Variants in ST8SIA1 observed in about 807,000 individuals in gnomAD.
The protein encoded by ST8SIA1 is ST8 alpha-N-acetyl-neuraminide alpha-2,8-sialyltransferase 1.
In ST8SIA1, 16 loss-of-function variants were observed where a neutral mutation model predicts 35.9. That is an observed-to-expected ratio of 0.45 (90% CI 0.30 to 0.68). ST8SIA1 has a LOEUF of 0.68. ST8SIA1 is among the 30% of genes least tolerant of loss of function. The pLI, the probability that ST8SIA1 is intolerant of heterozygous loss-of-function variation, is 0.09. For synonymous variants in ST8SIA1, 170 were observed against 169.6 expected, an observed-to-expected ratio of 1.00 and a Z score of -0.02; for missense variants, 383 against 453.6, an observed-to-expected ratio of 0.84 and a Z score of 1.41.
chr12:22,268,883 G>A (rs964484137), intron 2 of ST8SIA1, among the ~76,000 whole-genome samples: 4 of 152,158 alleles, frequency 2.6e-5, no homozygotes, highest in Admixed American at 6.5e-5. Flanking sequence ...ATGGGCATGG[G>A]AGCCAGGACT....
rs1367923161 is a variant in ST8SIA1 at position 22,235,120 on chromosome 12, TCGGTTA to T, written c.584+13880_584+13885del. ...AGATATGAAAGCTACAGTGGAAACT[TCGGTTA>T]AAAATGCATATCATGATTTATAAAT... On this transcript the variant is annotated intron_variant, in intron 4 of 4. Coordinates refer to ENST00000396037, the MANE Select transcript of ST8SIA1 (RefSeq NM_003034.4). Among the ~76,000 whole-genome samples, 224 of 152,268 alleles carry T rather than the reference TCGGTTA, an allele frequency of 1.5e-3. 1 individual carries two copies. The highest frequency in any genetic ancestry group is 6.8e-3 in the Middle Eastern group (2 of 294).
chr12:22,215,311 C>A (rs898972948), intron 4 of ST8SIA1, among the ~76,000 whole-genome samples: 5 of 152,196 alleles, frequency 3.3e-5, no homozygotes, highest in African/African-American at 7.2e-5. Context: ...CATTTGGATT[C>A]ATTCACACTC....
chr12:22,283,733 G>T (rs941942828), intron 2 of ST8SIA1, among the ~76,000 whole-genome samples: 10 of 152,100 alleles, frequency 6.6e-5, no homozygotes, highest in African/African-American at 2.4e-4. Flanking sequence ...GTACTGCAGG[G>T]GTCCAGCCCA....
chr12:22,321,933 G>T (rs1866607591), intron 1 of ST8SIA1, among the ~76,000 whole-genome samples: 3 of 152,220 alleles, frequency 2.0e-5, no homozygotes, highest in Admixed American at 1.3e-4. Context: ...GCCTGCCTCT[G>T]TCTCTTTGAT....
intron 1 of ST8SIA1, among the ~76,000 whole-genome samples, chr12:22,304,334 CTTT>C (rs3063802): frequency 0.15 from 15,918 of 106,386 alleles, 993 homozygotes; most frequent in Middle Eastern, 0.28. Context: ...TTTTCTTTTT[CTTT>C]TTTTTTTTTT....
At chr12:22,302,810 C>T (rs1866334463) in intron 1 of ST8SIA1, among the ~76,000 whole-genome samples, 1 of 152,116 alleles carries the variant, frequency 6.6e-6, no homozygotes, top group Non-Finnish European at 1.5e-5. Context: ...GTCTGATTGA[C>T]ACCCTTGGAA....
intron 1 of ST8SIA1, among the ~76,000 whole-genome samples, chr12:22,328,131 T>C (rs1866705299): frequency 6.6e-6 from 1 of 152,190 alleles, no homozygotes; most frequent in South Asian, 2.1e-4. Flanking sequence ...CAGCCTAAAA[T>C]GTCAGGAGGG....
chr12:22,283,804 C>G (rs1866063947), intron 2 of ST8SIA1, among the ~76,000 whole-genome samples: 1 of 152,092 alleles, frequency 6.6e-6, no homozygotes, highest in African/African-American at 2.4e-5. Flanking sequence ...ACTATTTATA[C>G]TGAGTGGGAA....
intron 3 of ST8SIA1, among the ~76,000 whole-genome samples, chr12:22,250,302 T>G (rs7306930): frequency 0.015 from 2,304 of 152,328 alleles, 61 homozygotes; most frequent in African/African-American, 0.052. Context: ...CCTCTTTTCT[T>G]GAATTGTTGT....
chr12:22,287,817 C>A (rs1866121153), intron 1 of ST8SIA1, among the ~76,000 whole-genome samples: 1 of 152,186 alleles, frequency 6.6e-6, no homozygotes, highest in African/African-American at 2.4e-5. Flanking sequence ...AGATAGAGAA[C>A]AATCCCTTGA....
Position 22,287,488 on chromosome 12 carries a change from C to CAAA in ST8SIA1, c.237-198_237-196dup, listed in dbSNP as rs60549878. 5.1e-4 allele frequency among the ~76,000 whole-genome samples: 65 copies of CAAA among 126,342 alleles called. 2 individuals are homozygous for CAAA. In the East Asian group the frequency reaches 6.9e-3, roughly 13 times the overall value. 82.9% of individuals were successfully genotyped at this position (126,342 alleles called of 152,430 possible). A position where few individuals can be genotyped will look rare whatever the true frequency, so the allele number is the denominator to read the frequency against. On this transcript the variant is annotated intron_variant, in intron 1 of 4. Transcript: ENST00000396037. ...AATGCGTGACTAGACTATTTCACAG[C>CAAA]AAAAAAAAAAAAAAAAAGTTTAAGA...
chr12:22,234,881 GT>G (rs751572499), intron 4 of ST8SIA1, among the ~76,000 whole-genome samples: 3 of 152,222 alleles, frequency 2.0e-5, no homozygotes, highest in Non-Finnish European at 4.4e-5. Flanking sequence ...ATTTAACCAT[GT>G]GGGTAGCACT....
chr12:22,256,183 T>A (rs1244415090), intron 2 of ST8SIA1, among the ~76,000 whole-genome samples: 1 of 152,058 alleles, frequency 6.6e-6, no homozygotes, highest in Non-Finnish European at 1.5e-5. Flanking sequence ...ACACTCTGGG[T>A]GGGTCTGTCT....
chr12:22,229,226 T>C (rs1865389457), intron 4 of ST8SIA1, among the ~76,000 whole-genome samples: 1 of 152,052 alleles, frequency 6.6e-6, no homozygotes, highest in Non-Finnish European at 1.5e-5. Context: ...GCAGTGGAAA[T>C]ACTGAGACAG....
intron 2 of ST8SIA1, among the ~76,000 whole-genome samples, chr12:22,264,168 TTTAA>T (rs1384751847): frequency 6.6e-6 from 1 of 152,192 alleles, no homozygotes; most frequent in Non-Finnish European, 1.5e-5. Context: ...CTGCCTCATA[TTTAA>T]TTATAGCCCC....
At chr12:22,224,683 A>G (rs1220101408) in intron 4 of ST8SIA1, among the ~76,000 whole-genome samples, 2 of 152,300 alleles carry the variant, frequency 1.3e-5, no homozygotes, top group African/African-American at 4.8e-5. Context: ...TGTATAAATC[A>G]TTTTTCTTTG....
At chr12:22,274,354 C>T (rs951414593) in intron 2 of ST8SIA1, among the ~76,000 whole-genome samples, 6 of 152,048 alleles carry the variant, frequency 3.9e-5, no homozygotes, top group Non-Finnish European at 7.4e-5. Context: ...ACAAAAAGCC[C>T]AGAAGATAAC....
chr12:22,206,100 T>C (rs1017676701), intron 4 of ST8SIA1, among the ~76,000 whole-genome samples: 1 of 152,082 alleles, frequency 6.6e-6, no homozygotes, highest in Non-Finnish European at 1.5e-5. Flanking sequence ...ATTAATAGAA[T>C]AGAAAGGAAC....
At chr12:22,309,344 A>G (rs184061709) in intron 1 of ST8SIA1, among the ~76,000 whole-genome samples, 62 of 152,154 alleles carry the variant, frequency 4.1e-4, no homozygotes, top group Middle Eastern at 3.4e-3. Flanking sequence ...TTGCCTGATG[A>G]GACACCACCG....
Sources: gnomAD v4.1 joint callset for allele counts (sites outside exome capture counted in the v4.1 genomes callset) on GRCh38, gnomAD v4.1.1 for gene constraint, MANE v1.5 for transcripts, NCBI Gene and HGNC (gene_info 2026-07-23, HGNC 2026-07-21) for gene names.